The following UVRAG variants were observed in gnomAD, a reference collection of about 807,000 sequenced individuals.
The protein encoded by UVRAG is UV radiation resistance-associated gene protein.
UVRAG carries 19 observed loss-of-function variants against 78.0 expected under a neutral mutation model. The ratio of observed to expected loss-of-function variants is 0.24; its 90% CI spans 0.17 to 0.36. UVRAG has a LOEUF of 0.36. Among genes scored for constraint, UVRAG ranks in the 10% least tolerant of loss-of-function variants. UVRAG has a pLI of 1.00. For synonymous variants in UVRAG, 323 were observed against 324.6 expected, an observed-to-expected ratio of 1.00 and a Z score of 0.05; for missense variants, 740 against 853.8, an observed-to-expected ratio of 0.87 and a Z score of 1.66.
chr11:76,136,877 A>C (rs1323105431), intron 14 of UVRAG, among the ~76,000 whole-genome samples: 4 of 152,166 alleles, frequency 2.6e-5, no homozygotes, highest in Non-Finnish European at 5.9e-5. Context: ...AATAGCAGTT[A>C]TTTGATGGGT....
chr11:75,934,851 G>A (rs1948332438), intron 6 of UVRAG: 1 of 152,140 alleles, frequency 6.6e-6, no homozygotes, highest in Non-Finnish European at 1.5e-5. Flanking sequence ...CAGATTAAAT[G>A]TTATAATTTA....
At chr11:75,901,537 C>T (rs993415161) in intron 5 of UVRAG, among the ~76,000 whole-genome samples, 1 of 152,188 alleles carries the variant, frequency 6.6e-6, no homozygotes, top group African/African-American at 2.4e-5. Context: ...AACACTTCCT[C>T]CTGCTGTGTT....
intron 5 of UVRAG, among the ~76,000 whole-genome samples, chr11:75,906,983 A>C (rs960153649): frequency 3.1e-4 from 47 of 152,138 alleles, no homozygotes; most frequent in African/African-American, 1.1e-3. Flanking sequence ...TCTTCAATAT[A>C]ATTTTGGCTA....
At chr11:76,003,381 C>T (rs574484019) in intron 8 of UVRAG, among the ~76,000 whole-genome samples, 1 of 145,048 alleles carries the variant, frequency 6.9e-6, no homozygotes, top group African/African-American at 2.6e-5. Flanking sequence ...AAGCGATTTC[C>T]AGCTAATTTT....
At position 75,851,876 on chromosome 11, in the gene UVRAG, T is replaced by G. The variant is rs1428988416; in HGVS notation, c.118-7T>G. 6.3e-7 allele frequency: 1 copy of G among 1,595,220 alleles called. No individual in the cohort carries two copies. The highest frequency in any genetic ancestry group is 8.5e-7 in the Non-Finnish European group (1 of 1,175,140). The stretch of plus-strand genomic sequence containing the variant: ...AATGCCTTCTCTTTTTTGTTGTTAT[T>G]TTTCAGCGGCGTCTTCGACATCTTC... On this transcript the variant is annotated splice_polypyrimidine_tract_variant and splice_region_variant and intron_variant, in intron 1 of 14. Transcript: ENST00000356136.
intron 6 of UVRAG, chr11:75,942,543 C>T (rs951621293): frequency 1.3e-4 from 20 of 152,098 alleles, no homozygotes; most frequent in African/African-American, 4.8e-4. Flanking sequence ...CTCAACACCA[C>T]TGCTTTCTGT....
At chr11:75,871,557 TA>T (rs113850876) in intron 3 of UVRAG, among the ~76,000 whole-genome samples, 9,988 of 152,244 alleles carry the variant, frequency 0.066, 448 homozygotes, top group African/African-American at 0.13. Context: ...GTGCTCGGAT[TA>T]CAGGCACGAG....
At chr11:75,942,896 T>G (rs1004325203) in intron 6 of UVRAG, among the ~76,000 whole-genome samples, 9 of 151,922 alleles carry the variant, frequency 5.9e-5, no homozygotes, top group Non-Finnish European at 1.2e-4. Flanking sequence ...TAAAACAGAT[T>G]TAGAAAAAGG....
chr11:75,951,325 ATG>A (rs71036071), intron 6 of UVRAG, among the ~76,000 whole-genome samples: 46,982 of 149,462 alleles, frequency 0.31, 7,482 homozygotes, highest in Middle Eastern at 0.36. Flanking sequence ...ATAATCTGAA[ATG>A]TGTGTGTGTG....
At chr11:76,091,961 T>A (rs1377635924) in intron 13 of UVRAG, among the ~76,000 whole-genome samples, 2 of 152,138 alleles carry the variant, frequency 1.3e-5, no homozygotes, top group African/African-American at 4.8e-5. Flanking sequence ...ATTGGGTATA[T>A]CTCCTAATGC....
At chr11:75,977,956 TC>T (rs1220701892) in intron 7 of UVRAG, among the ~76,000 whole-genome samples, 26 of 152,332 alleles carry the variant, frequency 1.7e-4, no homozygotes, top group South Asian at 6.2e-4. Context: ...TGCAGTTTCT[TC>T]CTAGCATCGA....
chr11:76,138,395 G>A (rs1308613873), intron 14 of UVRAG, among the ~76,000 whole-genome samples: 2 of 152,218 alleles, frequency 1.3e-5, no homozygotes, highest in African/African-American at 4.8e-5. Context: ...GAACATTATT[G>A]ACAGTCGGGA....
chr11:75,931,758 T>C (rs1948245754), intron 6 of UVRAG, among the ~76,000 whole-genome samples: 1 of 152,198 alleles, frequency 6.6e-6, no homozygotes, highest in South Asian at 2.1e-4. Context: ...ATGAGGAATT[T>C]ACCACATTTA....
chr11:75,872,963 C>A (rs1200014555), intron 3 of UVRAG, among the ~76,000 whole-genome samples: 1 of 152,066 alleles, frequency 6.6e-6, no homozygotes, highest in Non-Finnish European at 1.5e-5. Context: ...GAAATCCCTG[C>A]CTTTGAGGAG....
intron 8 of UVRAG, among the ~76,000 whole-genome samples, chr11:75,985,855 A>G (rs1175058214): frequency 1.3e-5 from 2 of 152,136 alleles, no homozygotes; most frequent in African/African-American, 4.8e-5. Context: ...AAGTCTGTTA[A>G]GAACCCTCTG....
chr11:75,959,819 A>G (rs901944122), intron 6 of UVRAG, among the ~76,000 whole-genome samples: 2 of 152,150 alleles, frequency 1.3e-5, no homozygotes, highest in Admixed American at 6.5e-5. Flanking sequence ...ACATAGGACT[A>G]TTCTTTTCAC....
chr11:76,081,110 G>A (rs1334418663), intron 13 of UVRAG, among the ~76,000 whole-genome samples: 3 of 152,148 alleles, frequency 2.0e-5, no homozygotes, highest in Admixed American at 1.3e-4. Flanking sequence ...TTAATGCCTT[G>A]GAAAGAGCTC....
intron 1 of UVRAG, chr11:75,837,767 C>A (rs1421621879): frequency 6.6e-6 from 1 of 152,184 alleles, no homozygotes; most frequent in East Asian, 1.9e-4. Flanking sequence ...CTCTTACCAT[C>A]TACATTCTCA....
chr11:75,918,708 G>A (rs191490264), intron 6 of UVRAG, among the ~76,000 whole-genome samples: 18 of 152,160 alleles, frequency 1.2e-4, no homozygotes, highest in Non-Finnish European at 2.2e-4. Flanking sequence ...CCCTATCGCA[G>A]TGTGTATCAT....
Sources: gnomAD v4.1 joint callset for allele counts (sites outside exome capture counted in the v4.1 genomes callset) on GRCh38, gnomAD v4.1.1 for gene constraint, MANE v1.5 for transcripts, NCBI Gene and HGNC (gene_info 2026-07-23, HGNC 2026-07-21) for gene names.